The following PLVAP variants were observed in gnomAD, a reference collection of about 807,000 sequenced individuals.
The protein encoded by PLVAP is plasmalemma vesicle associated protein.
In PLVAP, 34 loss-of-function variants were observed where a neutral mutation model predicts 43.1. That is an observed-to-expected ratio of 0.79 (90% CI 0.60 to 1.05). The LOEUF (loss-of-function observed/expected upper bound fraction) is 1.05. Among genes scored for constraint, PLVAP ranks in the 50% least tolerant of loss-of-function variants. The pLI, the probability that PLVAP is intolerant of heterozygous loss-of-function variation, is 0.00. For missense variants in PLVAP, 574 were observed against 593.4 expected (o/e 0.97, Z 0.34); for synonymous variants, 241 against 237.3 (o/e 1.02, Z -0.14).
chr19:17,376,902 T>C lies in PLVAP; in HGVS notation c.369+18A>G. 1 of 1,604,178 alleles carries C rather than the reference T, an allele frequency of 6.2e-7. No homozygotes were observed. The highest frequency in any genetic ancestry group is 8.5e-7 in the Non-Finnish European group (1 of 1,175,262). On this transcript the variant is annotated intron_variant, in intron 1 of 5. Transcript: ENST00000252590. ...TTGCTCAGGGTCCCCAGGGCGAGTG[T>C]CCTGCCCACAGCCTTACCCGGTCAC...
intron 1 of PLVAP, among the ~76,000 whole-genome samples, chr19:17,376,637 A>G (rs1164918689): frequency 6.6e-6 from 1 of 152,144 alleles, no homozygotes; most frequent in East Asian, 1.9e-4. Flanking sequence ...ATCTCTACTA[A>G]AAATACAAAA....
intron 1 of PLVAP, among the ~76,000 whole-genome samples, chr19:17,366,939 A>AT (rs34408678): frequency 0.059 from 6,324 of 107,788 alleles, 258 homozygotes; most frequent in Middle Eastern, 0.11. Flanking sequence ...CCCGGCTCGA[A>AT]TTTTTTTTTT....
intron 5 of PLVAP, among the ~76,000 whole-genome samples, chr19:17,356,578 A>C (rs2074507598): frequency 6.6e-6 from 1 of 152,038 alleles, no homozygotes; most frequent in Non-Finnish European, 1.5e-5. Flanking sequence ...GACTCAAGCA[A>C]TTCATCCTCC....
chr19:17,370,285 A>G (rs2074567263), intron 1 of PLVAP, among the ~76,000 whole-genome samples: 1 of 152,158 alleles, frequency 6.6e-6, no homozygotes, highest in South Asian at 2.1e-4. Flanking sequence ...CAGAAACTCT[A>G]CTTCTCAGCA....
At chr19:17,373,352 C>T (rs376517012) in intron 1 of PLVAP, among the ~76,000 whole-genome samples, 4 of 151,334 alleles carry the variant, frequency 2.6e-5, no homozygotes, top group South Asian at 4.2e-4. Context: ...GGGCTCTGGG[C>T]GAGGGGTTGA....
chr19:17,355,728 G>T (rs774447830), intron 5 of PLVAP, among the ~76,000 whole-genome samples: 1 of 151,760 alleles, frequency 6.6e-6, no homozygotes, highest in Non-Finnish European at 1.5e-5. Context: ...TAGAGACAGG[G>T]TATCACCATG....
intron 5 of PLVAP, among the ~76,000 whole-genome samples, chr19:17,353,873 G>T (rs575062723): frequency 1.3e-5 from 2 of 152,166 alleles, no homozygotes; most frequent in Non-Finnish European, 2.9e-5. Context: ...CACCATGCCC[G>T]GTTACCAGCA....
At chr19:17,367,648 C>T (rs1006033545) in intron 1 of PLVAP, among the ~76,000 whole-genome samples, 6 of 152,002 alleles carry the variant, frequency 3.9e-5, no homozygotes, top group African/African-American at 1.2e-4. Flanking sequence ...CTCGGCCTCC[C>T]AAAGTGCTGG....
intron 1 of PLVAP, among the ~76,000 whole-genome samples, chr19:17,375,594 C>T (rs1216706184): frequency 4.0e-5 from 6 of 151,508 alleles, no homozygotes; most frequent in African/African-American, 1.5e-4. Flanking sequence ...TTAGCCAGGG[C>T]ACCAGGTCAG....
intron 1 of PLVAP, 79 bp downstream of exon 1, chr19:17,376,841 G>A (rs1313589701): frequency 2.9e-6 from 4 of 1,356,536 alleles, no homozygotes; most frequent in Non-Finnish European, 4.0e-6. Context: ...CCCCTCTCTT[G>A]GATGAGGAAA....
chr19:17,353,210 T>C lies in PLVAP; in HGVS notation c.1323-842A>G, dbSNP rs139653754. Among the ~76,000 whole-genome samples, 800 of 152,304 alleles carry C rather than the reference T, an allele frequency of 5.3e-3. 9 individuals are homozygous for C. Among genetic ancestry groups the C allele is most frequent in the African/African-American group, 0.018 (744 of 41,554 alleles). ...AGTGGCCTCACGTTCCTTGGTTGGC[T>C]CTGGGCCCTGGCCCTGGCCCCAGAC... is the stretch of plus-strand genomic sequence containing the variant. On this transcript the variant is annotated intron_variant, in intron 5 of 5. Coordinates refer to ENST00000252590, the MANE Select transcript of PLVAP (RefSeq NM_031310.3).
At chr19:17,361,330 GCAC>G (rs2074527660) in intron 3 of PLVAP, among the ~76,000 whole-genome samples, 1 of 152,110 alleles carries the variant, frequency 6.6e-6, no homozygotes, top group South Asian at 2.1e-4. Context: ...TCACCTGCAC[GCAC>G]CACAAGACTT....
chr19:17,352,421 C>G, intron 5 of PLVAP, 53 bp from the exon 6 acceptor site: 1 of 1,590,554 alleles, frequency 6.3e-7, no homozygotes, highest in Non-Finnish European at 8.6e-7. Flanking sequence ...GAGGGAAGGG[C>G]AAACCTCGCC....
chr19:17,364,973 A>C (rs960719592), intron 3 of PLVAP, among the ~76,000 whole-genome samples: 2 of 151,830 alleles, frequency 1.3e-5, no homozygotes, highest in Admixed American at 1.3e-4. Flanking sequence ...GGGTTTTGCC[A>C]TGTTGGCCAG....
At chr19:17,374,664 C>T (rs901507059) in intron 1 of PLVAP, among the ~76,000 whole-genome samples, 1 of 151,546 alleles carries the variant, frequency 6.6e-6, no homozygotes, top group Non-Finnish European at 1.5e-5. Flanking sequence ...CTCACTCAGT[C>T]GCCCAGGCTG....
Position 17,352,189 on chromosome 19 carries a change from G to C in PLVAP, c.*173C>G. On this transcript the variant is annotated 3_prime_UTR_variant, in exon 6 of 6. Coordinates refer to ENST00000252590, the MANE Select transcript of PLVAP (RefSeq NM_031310.3). ...CTCTGGGTGAGGGATCGTGAGGCGC[G>C]GGTGCGGGTGTGAGAGGGTACTAGG... The C allele has an allele frequency of 1.2e-6, 1 of 832,684 alleles. No individual in the cohort carries two copies. Among genetic ancestry groups the C allele is most frequent in the Non-Finnish European group, 1.9e-6 (1 of 528,310 alleles). 51.6% of individuals were successfully genotyped at this position (832,684 alleles called of 1,614,324 possible). A position where few individuals can be genotyped will look rare whatever the true frequency, so the allele number is the denominator to read the frequency against.
At chr19:17,372,646 C>T (rs1291897949) in intron 1 of PLVAP, among the ~76,000 whole-genome samples, 9 of 149,304 alleles carry the variant, frequency 6.0e-5, no homozygotes, top group Admixed American at 4.0e-4. Flanking sequence ...TTAGTAGAGA[C>T]GGGGTTTCAC....
chr19:17,376,941 G>A lies in PLVAP; in HGVS notation c.348C>T (p.Phe116=). ...RRDLDRINAS[F]RQCQGDRVIY... is the part of the protein sequence containing the mutation. ...TTACCCGGTCACCCTGGCACTGGCG[G>A]AAGCTGGCATTGATGCGGTCCAGGT... Residue 116 remains phenylalanine, a synonymous_variant, in exon 1 of 6, where the codon TTC becomes TTT. Coordinates refer to ENST00000252590, the MANE Select transcript of PLVAP (RefSeq NM_031310.3). The A allele has an allele frequency of 6.2e-7, 1 of 1,613,880 alleles. No homozygotes were observed. Among genetic ancestry groups the A allele is most frequent in the East Asian group, 2.2e-5 (1 of 44,874 alleles).
In PLVAP at chr19:17,365,447, A is replaced by T. The variant is rs1175371420; in HGVS notation, c.1018T>A (p.Cys340Ser). The T allele has an allele frequency of 1.9e-6, 3 of 1,613,056 alleles. No individual in the cohort carries two copies. The Admixed American group carries it at 5.0e-5, about 27-fold the overall frequency. ...AGCGCTAGCTGGGTCTGCCGGGAGC[A>T]TTCAGCTTGGAGCTTGGCCTCCCGG... is the stretch of plus-strand genomic sequence containing the variant. ...QAREAKLQAE[C>S]SRQTQLALEE... is the part of the protein sequence containing the mutation. Residue 340 changes from cysteine to serine, a missense_variant, in exon 3 of 6, where the codon TGC (cysteine) becomes AGC (serine). Transcript: ENST00000252590.
Sources: allele counts gnomAD v4.1 joint callset (sites outside exome capture counted in the v4.1 genomes callset), GRCh38; gene constraint gnomAD v4.1.1; transcripts MANE v1.5; gene names NCBI Gene and HGNC (gene_info 2026-07-23, HGNC 2026-07-21).